The following EYA3 variants were observed in gnomAD, a reference collection of about 807,000 sequenced individuals.
EYA3 encodes the protein EYA transcriptional coactivator and phosphatase 3.
In EYA3, 39 loss-of-function variants were observed where a neutral mutation model predicts 80.0. The observed-to-expected ratio is 0.49, with a 90% CI of 0.38 to 0.64. The LOEUF (loss-of-function observed/expected upper bound fraction) is 0.64, where lower values mean the gene tolerates loss of function less well. Among genes scored for constraint, EYA3 ranks in the 30% least tolerant of loss-of-function variants. EYA3 has a pLI of 0.00. For synonymous variants in EYA3, 206 were observed against 232.8 expected (o/e 0.88, Z 1.05); for missense variants, 523 against 676.1 (o/e 0.77, Z 2.51).
rs1181123452 is a variant in EYA3, at chr1:27,974,536, G to T, written c.1652C>A (p.Pro551His). 1 of 1,612,450 alleles carries T rather than the reference G, an allele frequency of 6.2e-7. No homozygotes were observed. Among genetic ancestry groups the T allele is most frequent in the South Asian group, 1.1e-5 (1 of 91,050 alleles). ...TCCATGGTTTGTGATCCTCCAGAAA[G>T]GCATGTTGTGCTGGAAGAGAGTGGG... ...EEIAAKQHNMPFWRITNHGDL... is the reference protein window; with the variant it reads ...EEIAAKQHNMHFWRITNHGDL... Residue 551 changes from proline to histidine, a missense_variant, in exon 18 of 18, where the codon CCT (proline) becomes CAT (histidine). Pro to His is a moderately conservative substitution (Grantham distance 77). Transcript: ENST00000373871.
intron 12 of EYA3, among the ~76,000 whole-genome samples, chr1:27,999,279 G>A (rs113249052): frequency 0.027 from 4,112 of 152,194 alleles, 85 homozygotes; most frequent in Middle Eastern, 0.054. Context: ...GCCCAGAATG[G>A]GAACATAACT....
At chr1:28,053,191 AAAGG>A (rs1223538726) in intron 2 of EYA3, among the ~76,000 whole-genome samples, 98 of 151,530 alleles carry the variant, frequency 6.5e-4, no homozygotes, top group African/African-American at 2.2e-3. Context: ...GAAAAAGAAA[AAAGG>A]AAGATGCCTT....
intron 7 of EYA3, among the ~76,000 whole-genome samples, chr1:28,024,011 G>A (rs1231571957): frequency 6.6e-6 from 1 of 152,186 alleles, no homozygotes; most frequent in East Asian, 1.9e-4. Flanking sequence ...AGCCGAGGCA[G>A]GCGGATCACT....
intron 2 of EYA3, among the ~76,000 whole-genome samples, chr1:28,053,153 C>CTAA (rs1644319733): frequency 1.4e-5 from 1 of 72,524 alleles, no homozygotes; most frequent in African/African-American, 5.6e-5. Flanking sequence ...GACCCCGTCT[C>CTAA]AAAAAAAAAA....
At chr1:27,978,738 C>T (rs558496879) in intron 16 of EYA3, among the ~76,000 whole-genome samples, 17 of 152,162 alleles carry the variant, frequency 1.1e-4, no homozygotes, top group Admixed American at 1.0e-3. Flanking sequence ...CCGAGGCGGG[C>T]GAATCACCTG....
At chr1:28,066,176 T>C (rs889531453) in intron 1 of EYA3, among the ~76,000 whole-genome samples, 2 of 151,972 alleles carry the variant, frequency 1.3e-5, no homozygotes, top group Non-Finnish European at 2.9e-5. Context: ...AAGAGCAAAA[T>C]GGAGAGAGAC....
At chr1:28,071,354 A>G (rs1384700739) in intron 1 of EYA3, among the ~76,000 whole-genome samples, 1 of 152,172 alleles carries the variant, frequency 6.6e-6, no homozygotes, top group Non-Finnish European at 1.5e-5. Context: ...CTCAAGACTG[A>G]GCTCATATTT....
intron 10 of EYA3, among the ~76,000 whole-genome samples, chr1:28,005,598 C>T (rs1370808083): frequency 6.6e-6 from 1 of 151,712 alleles, no homozygotes; most frequent in Non-Finnish European, 1.5e-5. Flanking sequence ...GCCGGTAGTC[C>T]CAGCTACTTG....
In EYA3 at chr1:27,971,599, CAACAACAAAAAA is replaced by C. The variant is rs561342090; in HGVS notation, c.*2855_*2866del. 29,011 of 72,780 alleles carry C rather than the reference CAACAACAAAAAA, an allele frequency of 0.4. 2,472 individuals are homozygous for C. The highest frequency in any genetic ancestry group is 0.43 in the Non-Finnish European group (15,706 of 36,406). The allele number at this position is 72,780 out of a possible 1,614,324, so 4.5% of individuals were successfully genotyped here. On this transcript the variant is annotated 3_prime_UTR_variant, in exon 18 of 18. Coordinates refer to ENST00000373871, the MANE Select transcript of EYA3 (RefSeq NM_001990.4). Reference sequence around the variant, plus strand: ...ACAGAGCGAGACTCCATCTCAACAACAACAACAAAAAAAAAAAAAAAAAAAAAAAGAGAACCC... The same window carrying C: ...ACAGAGCGAGACTCCATCTCAACAACAAAAAAAAAAAAAAAAAGAGAACCC...
At chr1:28,033,651 A>G (rs1643275051) in intron 6 of EYA3, among the ~76,000 whole-genome samples, 1 of 135,464 alleles carries the variant, frequency 7.4e-6, no homozygotes, top group Admixed American at 7.5e-5. Flanking sequence ...TATTATTATT[A>G]TTATTATTAT....
At chr1:28,053,067 T>C (rs550471126) in intron 2 of EYA3, among the ~76,000 whole-genome samples, 17 of 146,736 alleles carry the variant, frequency 1.2e-4, no homozygotes, top group Admixed American at 4.2e-4. Context: ...GATGGGAGGA[T>C]TGTTTGAGCC....
intron 2 of EYA3, among the ~76,000 whole-genome samples, chr1:28,049,641 C>A (rs1644164951): frequency 6.6e-6 from 1 of 151,920 alleles, no homozygotes; most frequent in Non-Finnish European, 1.5e-5. Flanking sequence ...CAGACTGTGA[C>A]AAAAAAATCT....
chr1:28,029,013 A>G (rs1314477108), intron 6 of EYA3, among the ~76,000 whole-genome samples: 1 of 152,178 alleles, frequency 6.6e-6, no homozygotes, highest in Non-Finnish European at 1.5e-5. Context: ...AGCCACTGCC[A>G]GCCAAGGACT....
At chr1:28,080,624 G>A (rs1344284737) in intron 1 of EYA3, among the ~76,000 whole-genome samples, 8 of 150,990 alleles carry the variant, frequency 5.3e-5, no homozygotes, top group South Asian at 2.1e-4. Flanking sequence ...TTTTATAGTG[G>A]GTCATGATCA....
intron 1 of EYA3, among the ~76,000 whole-genome samples, chr1:28,063,322 A>ATTT (rs199751730): frequency 9.2e-6 from 1 of 108,292 alleles, no homozygotes; most frequent in Non-Finnish European, 2.0e-5. Context: ...TTTATTTTTA[A>ATTT]TTTTTTTTGG....
chr1:28,051,767 A>G (rs1280722729), intron 2 of EYA3, among the ~76,000 whole-genome samples: 1 of 152,168 alleles, frequency 6.6e-6, no homozygotes. Flanking sequence ...AAATTTAAGA[A>G]GAGCTAAATA....
chr1:28,074,704 T>C (rs968773099), intron 1 of EYA3, among the ~76,000 whole-genome samples: 2 of 152,128 alleles, frequency 1.3e-5, no homozygotes, highest in Non-Finnish European at 2.9e-5. Flanking sequence ...CATTTTCTAA[T>C]TTACTGCTTT....
intron 8 of EYA3, among the ~76,000 whole-genome samples, chr1:28,015,460 C>T (rs1008712840): frequency 2.6e-5 from 4 of 152,090 alleles, no homozygotes; most frequent in Admixed American, 2.0e-4. Context: ...ACCCGGGAGG[C>T]GGAGCTTGCA....
At chr1:28,020,135 G>T (rs988023473) in intron 7 of EYA3, among the ~76,000 whole-genome samples, 17 of 152,142 alleles carry the variant, frequency 1.1e-4, no homozygotes, top group African/African-American at 4.1e-4. Flanking sequence ...AATTGTACTG[G>T]AGGTAAAATG....
Sources: gnomAD v4.1 joint callset for allele counts (sites outside exome capture counted in the v4.1 genomes callset) on GRCh38, gnomAD v4.1.1 for gene constraint, MANE v1.5 for transcripts, NCBI Gene and HGNC (gene_info 2026-07-23, HGNC 2026-07-21) for gene names.